Variants in ME1 observed in about 807,000 individuals in gnomAD.
ME1 encodes the protein malic enzyme 1.
ME1 carries 74 observed loss-of-function variants against 66.4 expected under a neutral mutation model. The observed-to-expected ratio is 1.11, with a 90% CI of 0.92 to 1.35. The LOEUF is 1.35. ME1 is among the 40% of genes most tolerant of loss of function. The pLI is 0.00. For missense variants in ME1, 750 were observed against 694.1 expected (o/e 1.08, Z -0.90); for synonymous variants, 251 against 235.6 (o/e 1.07, Z -0.60).
At chr6:83,383,928 A>T (rs1769454529) in intron 3 of ME1, among the ~76,000 whole-genome samples, 1 of 151,920 alleles carries the variant, frequency 6.6e-6, no homozygotes, top group Non-Finnish European at 1.5e-5. Context: ...ATTATTACAA[A>T]ATATACAATA....
At chr6:83,410,201 A>T (rs1284034555) in intron 1 of ME1, among the ~76,000 whole-genome samples, 1 of 152,118 alleles carries the variant, frequency 6.6e-6, no homozygotes, top group Admixed American at 6.6e-5. Context: ...GAACTCAGAA[A>T]TTTGTTGCAA....
chr6:83,256,789 A>G (rs1390208058), intron 6 of ME1, among the ~76,000 whole-genome samples: 1 of 152,130 alleles, frequency 6.6e-6, no homozygotes, highest in Non-Finnish European at 1.5e-5. Flanking sequence ...TTGGGACCAA[A>G]CCAAATGCCC....
chr6:83,294,058 C>A (rs1311490893), intron 6 of ME1, among the ~76,000 whole-genome samples: 2 of 152,100 alleles, frequency 1.3e-5, no homozygotes, highest in South Asian at 4.1e-4. Context: ...AACCAGAAAA[C>A]AACATAAATG....
At chr6:83,348,580 A>G (rs1768730616) in intron 4 of ME1, among the ~76,000 whole-genome samples, 1 of 152,104 alleles carries the variant, frequency 6.6e-6, no homozygotes, top group African/African-American at 2.4e-5. Flanking sequence ...TTAAACACAG[A>G]GAGTTGTTAT....
At chr6:83,394,006 G>A (rs1036559610) in intron 3 of ME1, among the ~76,000 whole-genome samples, 7 of 151,774 alleles carry the variant, frequency 4.6e-5, no homozygotes, top group African/African-American at 7.3e-5. Flanking sequence ...TTTTTGGTAC[G>A]ATGACATTAG....
chr6:83,377,848 T>A (rs36116892), intron 3 of ME1, among the ~76,000 whole-genome samples: 42,751 of 151,792 alleles, frequency 0.28, 6,685 homozygotes, highest in Middle Eastern at 0.48. Flanking sequence ...TTTTTTCCAT[T>A]TAAACTAAAA....
intron 9 of ME1, among the ~76,000 whole-genome samples, chr6:83,230,216 G>T (rs1790277162): frequency 6.7e-6 from 1 of 150,314 alleles, no homozygotes. Flanking sequence ...TGCTCATGTT[G>T]CCCAGGCTGG....
chr6:83,214,014 G>A (rs1789947256), intron 13 of ME1, among the ~76,000 whole-genome samples: 2 of 152,086 alleles, frequency 1.3e-5, no homozygotes, highest in Admixed American at 6.6e-5. Context: ...TTTTTAAACA[G>A]ATTTATTGAG....
At chr6:83,402,868 C>T (rs1472587056) in intron 2 of ME1, among the ~76,000 whole-genome samples, 3 of 152,112 alleles carry the variant, frequency 2.0e-5, no homozygotes, top group Non-Finnish European at 4.4e-5. Context: ...CAGCTATGAC[C>T]ATGTGATCAA....
At chr6:83,394,865 T>C (rs943370617) in intron 3 of ME1, among the ~76,000 whole-genome samples, 2 of 152,076 alleles carry the variant, frequency 1.3e-5, no homozygotes. Flanking sequence ...GCTAGAAAAA[T>C]TGTGTTCTAT....
chr6:83,294,428 GCA>G (rs1308723926), intron 6 of ME1, among the ~76,000 whole-genome samples: 3 of 152,080 alleles, frequency 2.0e-5, no homozygotes, highest in African/African-American at 7.2e-5. Flanking sequence ...CGAGCTTGCA[GCA>G]CACACAGTCA....
chr6:83,315,236 T>C, intron 6 of ME1, 74 bp downstream of exon 6: 2 of 874,818 alleles, frequency 2.3e-6, no homozygotes, highest in South Asian at 3.0e-5. Flanking sequence ...CCATATTGCA[T>C]AAATCTTGGA....
At chr6:83,398,834 T>G (rs1769791114) in intron 2 of ME1, among the ~76,000 whole-genome samples, 1 of 151,412 alleles carries the variant, frequency 6.6e-6, no homozygotes, top group Admixed American at 6.6e-5. Context: ...CCGGGCATGG[T>G]GGCTCACGCC....
At chr6:83,381,589 T>C (rs1483100442) in intron 3 of ME1, among the ~76,000 whole-genome samples, 2 of 152,064 alleles carry the variant, frequency 1.3e-5, no homozygotes, top group African/African-American at 4.8e-5. Context: ...CACCTACCTA[T>C]AGCCATCAGT....
At chr6:83,266,168 A>T (rs943683838) in intron 6 of ME1, among the ~76,000 whole-genome samples, 6 of 152,192 alleles carry the variant, frequency 3.9e-5, no homozygotes, top group South Asian at 2.1e-4. Flanking sequence ...CTTCGTTTTT[A>T]AAAAAATCAA....
chr6:83,332,401 C>T (rs968509010), intron 5 of ME1, among the ~76,000 whole-genome samples: 2 of 152,176 alleles, frequency 1.3e-5, no homozygotes, highest in South Asian at 2.1e-4. Context: ...AATCCCACTA[C>T]TGGGTATCCA....
intron 1 of ME1, among the ~76,000 whole-genome samples, chr6:83,420,514 A>T (rs180968564): frequency 1.0e-3 from 157 of 152,252 alleles, no homozygotes; most frequent in Non-Finnish European, 1.9e-3. Context: ...ATCTTAGTTA[A>T]CTCACTTTTA....
intron 6 of ME1, among the ~76,000 whole-genome samples, chr6:83,307,226 GA>G (rs149687637): frequency 4.1e-5 from 6 of 146,840 alleles, no homozygotes; most frequent in South Asian, 4.3e-4. Context: ...TTGTTCACTT[GA>G]AAAAAAAAAG....
chr6:83,357,286 A>G lies in ME1; in HGVS notation c.363-5147T>C, dbSNP rs140566865. ...CTTTACTGCAAAGTCATTCTTTCCT[A>G]CCTTTGTATTTAACAAGTATTTTGT... is the stretch of plus-strand genomic sequence containing the variant. On this transcript the variant is annotated intron_variant, in intron 3 of 13. Coordinates refer to ENST00000369705, the MANE Select transcript of ME1 (RefSeq NM_002395.6). Among the ~76,000 whole-genome samples the G allele has an allele frequency of 4.6e-3, 694 of 152,166 alleles. 2 individuals carry two copies. Among genetic ancestry groups the G allele is most frequent in the African/African-American group, 0.015 (636 of 41,502 alleles).
Sources: gnomAD v4.1 joint callset for allele counts (sites outside exome capture counted in the v4.1 genomes callset) on GRCh38, gnomAD v4.1.1 for gene constraint, MANE v1.5 for transcripts, NCBI Gene and HGNC (gene_info 2026-07-23, HGNC 2026-07-21) for gene names.